The following TNRC18 variants were observed in gnomAD, a reference collection of about 807,000 sequenced individuals.
The protein encoded by TNRC18 is trinucleotide repeat containing 18, also known as trinucleotide repeat-containing gene 18 protein.
TNRC18 carries 69 observed loss-of-function variants against 226.7 expected under a neutral mutation model. The ratio of observed to expected loss-of-function variants is 0.30; its 90% CI spans 0.25 to 0.37. TNRC18 has a LOEUF of 0.37. Ranked by LOEUF, TNRC18 falls within the 10% of genes least tolerant of loss-of-function variation. TNRC18 has a pLI of 1.00. For synonymous variants in TNRC18, 2,449 were observed against 1,927.6 expected (o/e 1.27, Z -7.09); for missense variants, 4,754 against 4,256.6 (o/e 1.12, Z -3.25).
chr7:5,397,081 G>A (rs1050844137), intron 2 of TNRC18, among the ~76,000 whole-genome samples: 1 of 152,052 alleles, frequency 6.6e-6, no homozygotes, highest in Non-Finnish European at 1.5e-5. Flanking sequence ...CCCCGTGTCC[G>A]GCCCCCAACA....
At chr7:5,325,963 G>C (rs1332001537) in intron 19 of TNRC18, among the ~76,000 whole-genome samples, 1 of 150,112 alleles carries the variant, frequency 6.7e-6, no homozygotes, top group Non-Finnish European at 1.5e-5. Flanking sequence ...CAAACTCCTG[G>C]TCTCAAGCAA....
chr7:5,395,128 AAAG>A (rs1034185338), intron 2 of TNRC18, among the ~76,000 whole-genome samples: 36 of 152,118 alleles, frequency 2.4e-4, no homozygotes, highest in African/African-American at 7.5e-4. Flanking sequence ...TTTCACAGAA[AAAG>A]AAGGTGAGGC....
At position 5,308,903 on chromosome 7, in the gene TNRC18, A is replaced by G. The variant is rs1379472028; in HGVS notation, c.8672T>C (p.Val2891Ala). The change falls in exon 29 of 30, where the codon GTC becomes GCC. Residue 2891 changes from valine (V) to alanine (A), a missense_variant. Val to Ala is a moderately conservative substitution (Grantham distance 64). Coordinates refer to ENST00000430969, the MANE Select transcript of TNRC18 (RefSeq NM_001080495.3). Reference sequence around the variant, plus strand: ...CATGAAGTCCTTCCTCTGGCTGGAGACCCGCAGGGCCGCCGGGAGGCTGCG... The same window carrying G: ...CATGAAGTCCTTCCTCTGGCTGGAGGCCCGCAGGGCCGCCGGGAGGCTGCG... ...SSRSLPAALR[V>A]SSQRKDFMER... 5 of 1,422,826 alleles carry G rather than the reference A, an allele frequency of 3.5e-6. No homozygotes were observed. Among genetic ancestry groups the G allele is most frequent in the Non-Finnish European group, 4.7e-6 (5 of 1,064,888 alleles). The allele number at this position is 1,422,826 out of a possible 1,614,324, so 88.1% of individuals were successfully genotyped here. A position where few individuals can be genotyped will look rare whatever the true frequency, so the allele number is the denominator to read the frequency against.
At chr7:5,422,888 T>C (rs1333575698) in intron 1 of TNRC18, 1 of 152,254 alleles carries the variant, frequency 6.6e-6, no homozygotes, top group Non-Finnish European at 1.5e-5. Flanking sequence ...TCCCGTGATT[T>C]TTTTTTGTAA....
chr7:5,331,886 G>T (rs1424000980), intron 19 of TNRC18, among the ~76,000 whole-genome samples: 1 of 151,908 alleles, frequency 6.6e-6, no homozygotes. Context: ...CTCCAGCCTG[G>T]GTGACAGAGT....
At chr7:5,323,825 C>G (rs1425331741) in intron 21 of TNRC18, among the ~76,000 whole-genome samples, 1 of 152,122 alleles carries the variant, frequency 6.6e-6, no homozygotes, top group Non-Finnish European at 1.5e-5. Flanking sequence ...AACTCGGTCT[C>G]CTAAAGTGCT....
chr7:5,385,692 A>T (rs1275033939), intron 5 of TNRC18, among the ~76,000 whole-genome samples: 5 of 150,538 alleles, frequency 3.3e-5, no homozygotes, highest in Non-Finnish European at 7.4e-5. Context: ...AAAAAAAAAA[A>T]GCCAAGCATG....
rs1780010207 is a variant in TNRC18, at chr7:5,388,617, C to T, written c.1207G>A (p.Glu403Lys). 7.8e-7 allele frequency: 1 copy of T among 1,287,472 alleles called. No homozygotes were observed. 79.8% of individuals were successfully genotyped at this position (1,287,472 alleles called of 1,614,324 possible). The change falls in exon 5 of 30, where the codon GAG (glutamate) becomes AAG (lysine). Residue 403 changes from glutamate to lysine, a missense_variant. Transcript: ENST00000430969. ...TGCAGGACCCCTGGCCTGCCAGCCT[C>T]GCGCTCGCGGGCCCGGGCATCGCGC... The part of the protein sequence containing the change: ...QARDARARER[E>K]AGRPGVLQAP...
intron 19 of TNRC18, among the ~76,000 whole-genome samples, chr7:5,330,880 G>A (rs988088438): frequency 4.6e-5 from 7 of 151,976 alleles, no homozygotes; most frequent in Admixed American, 4.6e-4. Context: ...TCGTCATGTT[G>A]GCCAGGCTGG....
chr7:5,339,071 G>A (rs756663438), intron 18 of TNRC18, among the ~76,000 whole-genome samples: 9 of 152,118 alleles, frequency 5.9e-5, no homozygotes, highest in South Asian at 4.1e-4. Flanking sequence ...GCCAATGAGC[G>A]CAGATCACTT....
In TNRC18 at chr7:5,359,448, T is replaced by G; in HGVS notation, c.4783A>C (p.Arg1595=). The change falls in exon 15 of 30, where the codon AGG becomes CGG. Residue 1595 remains arginine, a synonymous_variant. Transcript: ENST00000430969. ...ALIGMGKARG[R]NQTWDEHEAS... is the part of the protein sequence containing the mutation. ...TCATGTTCATCCCAAGTCTGGTTCC[T>G]CCCCCTGGCTTTCCCCATTCCGATG... 1 of 1,613,994 alleles carries G rather than the reference T, an allele frequency of 6.2e-7. No homozygotes were observed. The highest frequency in any genetic ancestry group is 1.7e-5 in the Admixed American group (1 of 60,022).
intron 2 of TNRC18, among the ~76,000 whole-genome samples, chr7:5,397,269 C>T (rs529767590): frequency 6.6e-6 from 1 of 152,184 alleles, no homozygotes; most frequent in Admixed American, 6.5e-5. Flanking sequence ...TAGAAGGCTC[C>T]GGAAGCCAGC....
intron 3 of TNRC18, among the ~76,000 whole-genome samples, 200 bp from the exon 4 acceptor site, chr7:5,390,828 G>A (rs746086431): frequency 1.3e-5 from 2 of 151,898 alleles, no homozygotes; most frequent in African/African-American, 2.4e-5. Flanking sequence ...CAGCCCTCAC[G>A]GGGGACTGGG....
chr7:5,322,044 C>G (rs904040709), intron 21 of TNRC18, among the ~76,000 whole-genome samples: 5 of 151,912 alleles, frequency 3.3e-5, no homozygotes, highest in African/African-American at 1.2e-4. Context: ...CTTTGGGAGG[C>G]TGAGGCGGGC....
chr7:5,310,923 T>G (rs1328618894), intron 27 of TNRC18, among the ~76,000 whole-genome samples: 5 of 150,972 alleles, frequency 3.3e-5, no homozygotes, highest in Non-Finnish European at 7.4e-5. Flanking sequence ...TTCATGTGTG[T>G]GCACGTGTTC....
rs1484368275 is a variant in TNRC18 at position 5,423,831 on chromosome 7, A to C, written c.-634T>G. The stretch of plus-strand genomic sequence containing the variant: ...CCCCCTTTCAAGTTCCTCTCGCAGG[A>C]TCTAAAAAAAAAAAAAAAAAGGCAG... On this transcript the variant is annotated 5_prime_UTR_variant, in exon 1 of 30. Transcript: ENST00000430969. 7.0e-6 allele frequency among the ~76,000 whole-genome samples: 1 copy of C among 142,090 alleles called. No homozygotes were observed. Among genetic ancestry groups the C allele is most frequent in the African/African-American group, 2.6e-5 (1 of 38,300 alleles). 93.2% of individuals were successfully genotyped at this position (142,090 alleles called of 152,430 possible). A position where few individuals can be genotyped will look rare whatever the true frequency, so the allele number is the denominator to read the frequency against.
intron 2 of TNRC18, among the ~76,000 whole-genome samples, chr7:5,399,970 G>T (rs573832595): frequency 1.3e-4 from 20 of 151,624 alleles, no homozygotes; most frequent in African/African-American, 4.9e-4. Context: ...ACTCACTGCA[G>T]CCTCAACCTC....
chr7:5,314,174 G>A (rs1583734776), intron 26 of TNRC18, among the ~76,000 whole-genome samples: 1 of 151,388 alleles, frequency 6.6e-6, no homozygotes, highest in Non-Finnish European at 1.5e-5. Context: ...GTTTTGCTCC[G>A]TTGCCCAGGC....
chr7:5,353,482 C>A (rs1443301246), intron 16 of TNRC18, among the ~76,000 whole-genome samples: 2 of 151,190 alleles, frequency 1.3e-5, no homozygotes, highest in East Asian at 3.9e-4. Flanking sequence ...TCACTTGAAC[C>A]CGGGAGGTGG....
Sources: allele counts gnomAD v4.1 joint callset (sites outside exome capture counted in the v4.1 genomes callset), GRCh38; gene constraint gnomAD v4.1.1; transcripts MANE v1.5; gene names NCBI Gene and HGNC (gene_info 2026-07-23, HGNC 2026-07-21).